ILF2: variants seen among roughly 807,000 people sequenced by gnomAD.
ILF2 encodes the protein interleukin enhancer binding factor 2, also known as interleukin enhancer-binding factor 2.
Under a neutral mutation model 55.3 loss-of-function variants are expected in ILF2, and 9 were observed. That is an observed-to-expected ratio of 0.16 (90% CI 0.10 to 0.28). The LOEUF (loss-of-function observed/expected upper bound fraction) is 0.28. Ranked by LOEUF, ILF2 falls within the 10% of genes least tolerant of loss-of-function variation. The probability of loss-of-function intolerance (pLI) is 1.00; values close to 1 mark genes in which losing one functional copy is unlikely to be tolerated. For missense variants in ILF2, 266 were observed against 474.9 expected, an observed-to-expected ratio of 0.56 and a Z score of 4.09; for synonymous variants, 151 against 161.8, an observed-to-expected ratio of 0.93 and a Z score of 0.50.
intron 2 of ILF2, 128 bp downstream of exon 2, chr1:153,670,043 G>A (rs966615919): frequency 5.4e-6 from 6 of 1,103,106 alleles, no homozygotes; most frequent in African/African-American, 4.7e-5. Context: ...TCATTTAACA[G>A]GAGTGCAGGA....
chr1:153,667,958 C>G, intron 5 of ILF2, 42 bp downstream of exon 5: 1 of 1,420,724 alleles, frequency 7.0e-7, no homozygotes, highest in Non-Finnish European at 9.9e-7. Flanking sequence ...TTCCACACTA[C>G]CAAAGCTGCC....
chr1:153,669,034 G>C (rs1038527148), intron 3 of ILF2, among the ~76,000 whole-genome samples: 1 of 151,774 alleles, frequency 6.6e-6, no homozygotes, highest in East Asian at 1.9e-4. Context: ...GTGAAACCCC[G>C]TCTCTACTAA....
chr1:153,664,479 A>G lies in ILF2; in HGVS notation c.578-5T>C. On this transcript the variant is annotated splice_region_variant and splice_polypyrimidine_tract_variant and intron_variant, in intron 8 of 13. Coordinates refer to ENST00000361891, the MANE Select transcript of ILF2 (RefSeq NM_004515.4). ...TCTGCAATACTTTGATATCCACTAA[A>G]AAGACAAGCATGATATGCCAGGATG... 1 of 1,608,758 alleles carries G rather than the reference A, an allele frequency of 6.2e-7. No homozygotes were observed. The highest frequency in any genetic ancestry group is 1.7e-5 in the Admixed American group (1 of 59,998).
At chr1:153,665,128 G>T in intron 8 of ILF2, 92 bp downstream of exon 8, 1 of 775,420 alleles carries the variant, frequency 1.3e-6, no homozygotes, top group Non-Finnish European at 2.3e-6. Context: ...AGCTGCATGT[G>T]GAATAGCAAC....
At position 153,662,426 on chromosome 1, in the gene ILF2, C is replaced by G. The variant is rs1447046645; in HGVS notation, c.1143G>C (p.Glu381Asp). 1.9e-6 allele frequency: 3 copies of G among 1,613,862 alleles called. No individual in the cohort carries two copies. Among genetic ancestry groups the G allele is most frequent in the Admixed American group, 1.7e-5 (1 of 59,980 alleles). The change falls in exon 14 of 14, where the codon GAG (glutamate) becomes GAC (aspartate). Residue 381 changes from glutamate (E) to aspartate (D), a missense_variant. Physicochemically the swap from Glu to Asp is conservative, Grantham distance 45. Transcript: ENST00000361891. Reference sequence around the variant, plus strand: ...CCTGAGTTTCCATGCTTTCTTCTTCCTCTCCTTGAGGTGGTTCTTCTGTAT... The same window carrying G: ...CCTGAGTTTCCATGCTTTCTTCTTCGTCTCCTTGAGGTGGTTCTTCTGTAT... ...EENTEEPPQG[E>D]EEESMETQE
chr1:153,663,184 C>A, intron 11 of ILF2, 31 bp downstream of exon 11: 1 of 1,613,994 alleles, frequency 6.2e-7, no homozygotes. Context: ...AAATAGTTTA[C>A]AACCAACCCT....
chr1:153,670,024 G>A, intron 2 of ILF2, 146 bp from the exon 3 acceptor site: 1 of 1,078,052 alleles, frequency 9.3e-7, no homozygotes, highest in Non-Finnish European at 1.4e-6. Flanking sequence ...TAGCATAGTG[G>A]GGCCAAATTC....
In ILF2 at chr1:153,663,996, T is replaced by C. The variant is rs4515830; in HGVS notation, c.744+47A>G. On this transcript the variant is annotated intron_variant, in intron 10 of 13. Transcript: ENST00000361891. ...CTACTACTACTACTACTACTACTAC[T>C]AGTAAATAAGGATGATGAGGAACTC... is the stretch of plus-strand genomic sequence containing the variant. The C allele has an allele frequency of 0.18, 78,924 of 431,392 alleles. 7,198 individuals are homozygous for C. The highest frequency in any genetic ancestry group is 0.25 in the Admixed American group (3,518 of 13,994). 26.7% of individuals were successfully genotyped at this position (431,392 alleles called of 1,614,324 possible). A position where few individuals can be genotyped will look rare whatever the true frequency, so the allele number is the denominator to read the frequency against.
chr1:153,670,984 A>T lies in ILF2; in HGVS notation c.-62T>A. 1.2e-6 allele frequency: 2 copies of T among 1,607,078 alleles called. No homozygotes were observed. Among genetic ancestry groups the T allele is most frequent in the Non-Finnish European group, 1.7e-6 (2 of 1,173,498 alleles). On this transcript the variant is annotated 5_prime_UTR_variant, in exon 1 of 14. Transcript: ENST00000361891. ...CCGCCCCTTCCTCTGAGTAGCAGAC[A>T]ACTGAAGAGGCGTCTTGCCGGCGTG...
intron 9 of ILF2, 40 bp downstream of exon 9, chr1:153,664,354 TAA>T (rs1467375033): frequency 6.6e-7 from 1 of 1,516,300 alleles, no homozygotes; most frequent in East Asian, 2.3e-5. Context: ...TCACTGCAGT[TAA>T]AAAGTTTATC....
chr1:153,668,894 C>A (rs1276995986), intron 3 of ILF2, among the ~76,000 whole-genome samples: 1 of 150,614 alleles, frequency 6.6e-6, no homozygotes, highest in African/African-American at 2.4e-5. Context: ...TGAGACCCTG[C>A]CTCAAAAAAA....
chr1:153,668,305 A>T (rs1669359454), intron 4 of ILF2, 148 bp downstream of exon 4: 2 of 1,019,514 alleles, frequency 2.0e-6, no homozygotes, highest in Non-Finnish European at 2.9e-6. Flanking sequence ...GGCTATCTCC[A>T]CCCACAATGA....
chr1:153,667,194 A>G, intron 6 of ILF2: 1 of 344,248 alleles, frequency 2.9e-6, no homozygotes, highest in Non-Finnish European at 5.2e-6. Flanking sequence ...AAGATCCGTA[A>G]GGGCTGGGCA....
chr1:153,664,534 A>G (rs1669258661), intron 8 of ILF2, 60 bp from the exon 9 acceptor site: 1 of 1,294,006 alleles, frequency 7.7e-7, no homozygotes. Flanking sequence ...GCTACTCATT[A>G]CCACTGCTAC....
chr1:153,670,143 T>C (rs1340740098), intron 2 of ILF2, 28 bp downstream of exon 2: 2 of 1,609,890 alleles, frequency 1.2e-6, no homozygotes, highest in South Asian at 2.2e-5. Context: ...AACAACCAAG[T>C]GCAGAGATGC....
intron 3 of ILF2, among the ~76,000 whole-genome samples, chr1:153,668,877 AAC>A (rs774156319): frequency 6.6e-6 from 1 of 151,600 alleles, no homozygotes; most frequent in Non-Finnish European, 1.5e-5. Context: ...CAGCCTGGGC[AAC>A]AGAGTGAGAC....
intron 6 of ILF2, chr1:153,667,277 A>G (rs1669335222): frequency 2.0e-6 from 1 of 494,394 alleles, no homozygotes; most frequent in Non-Finnish European, 3.6e-6. Flanking sequence ...CAGGAGTTTG[A>G]GACCAGCCCG....
rs1407286074 is a variant in ILF2 at position 153,668,814 on chromosome 1, C to T, written c.109-257G>A. On this transcript the variant is annotated intron_variant, in intron 3 of 13. Coordinates refer to ENST00000361891, the MANE Select transcript of ILF2 (RefSeq NM_004515.4). Reference sequence around the variant, plus strand: ...TTGGGAGGCTGAGGTGAGAGAATCCCTTGAACACAGGAAGCGAGGTTGCAG... The same window carrying T: ...TTGGGAGGCTGAGGTGAGAGAATCCTTTGAACACAGGAAGCGAGGTTGCAG... 7.9e-5 allele frequency among the ~76,000 whole-genome samples: 12 copies of T among 151,902 alleles called. No homozygotes were observed. The Middle Eastern group carries it at 0.01, about 129-fold the overall frequency.
rs1457548505 is a variant in ILF2, at chr1:153,670,911, C to G, written c.5+7G>C. ...CTGAAACCTTTCGACCGCTTCGACC[C>G]ACTTACCTCATGGCGCCTTAAAACA... On this transcript the variant is annotated splice_region_variant and intron_variant, in intron 1 of 13. Transcript: ENST00000361891. 6.2e-7 allele frequency: 1 copy of G among 1,614,092 alleles called. No homozygotes were observed. Among genetic ancestry groups the G allele is most frequent in the Non-Finnish European group, 8.5e-7 (1 of 1,180,044 alleles).
Sources: allele counts gnomAD v4.1 joint callset (sites outside exome capture counted in the v4.1 genomes callset), GRCh38; gene constraint gnomAD v4.1.1; transcripts MANE v1.5; gene names NCBI Gene and HGNC (gene_info 2026-07-23, HGNC 2026-07-21).